Variants in YWHAE observed in about 807,000 individuals in gnomAD.
The protein encoded by YWHAE is tyrosine 3-monooxygenase/tryptophan 5-monooxygenase activation protein epsilon.
Under a neutral mutation model 30.1 loss-of-function variants are expected in YWHAE, and 4 were observed. The observed-to-expected ratio is 0.13, with a 90% CI of 0.07 to 0.30. YWHAE has a LOEUF of 0.30. Ranked by LOEUF, YWHAE falls within the 10% of genes least tolerant of loss-of-function variation. The pLI, the probability that YWHAE is intolerant of heterozygous loss-of-function variation, is 1.00. For synonymous variants in YWHAE, 118 were observed against 111.8 expected, an observed-to-expected ratio of 1.06 and a Z score of -0.35; for missense variants, 121 against 315.9, an observed-to-expected ratio of 0.38 and a Z score of 4.68.
rs115583180 is a variant in YWHAE, at chr17:1,359,453, A to G, written c.578+1639T>C. Among the ~76,000 whole-genome samples, 956 of 152,348 alleles carry G rather than the reference A, an allele frequency of 6.3e-3. 12 individuals are homozygous for G. The highest frequency in any genetic ancestry group is 0.021 in the African/African-American group (881 of 41,582). On this transcript the variant is annotated intron_variant, in intron 4 of 5. Transcript: ENST00000264335. Reference sequence around the variant, plus strand: ...GGGAAAAGGTGGAAACCCACTGACCACCAAAAGTTTAATGACTAAACAATG... The same window carrying G: ...GGGAAAAGGTGGAAACCCACTGACCGCCAAAAGTTTAATGACTAAACAATG...
At chr17:1,370,622 G>A (rs950371298) in intron 1 of YWHAE, among the ~76,000 whole-genome samples, 4 of 152,044 alleles carry the variant, frequency 2.6e-5, no homozygotes, top group East Asian at 3.9e-4. Context: ...GTAGAGACGG[G>A]GTTTCAGCAT....
intron 4 of YWHAE, among the ~76,000 whole-genome samples, chr17:1,355,093 A>G (rs185024882): frequency 9.0e-6 from 1 of 110,586 alleles, no homozygotes; most frequent in Admixed American, 1.1e-4. Flanking sequence ...CAAACGGTAC[A>G]CACTACCACC....
At chr17:1,355,431 T>C (rs928239104) in intron 4 of YWHAE, among the ~76,000 whole-genome samples, 1 of 151,992 alleles carries the variant, frequency 6.6e-6, no homozygotes, top group African/African-American at 2.4e-5. Flanking sequence ...AGTGCTGGAT[T>C]ACAAGGTTGA....
chr17:1,356,171 AACACACAC>A (rs71148473), intron 4 of YWHAE, among the ~76,000 whole-genome samples: 1,502 of 143,070 alleles, frequency 0.01, 22 homozygotes, highest in African/African-American at 0.034. Flanking sequence ...TCCGTCTAAA[AACACACAC>A]ACACACACAC....
chr17:1,396,068 G>A (rs1464434081), intron 1 of YWHAE, among the ~76,000 whole-genome samples: 3 of 152,236 alleles, frequency 2.0e-5, no homozygotes, highest in East Asian at 1.9e-4. Flanking sequence ...GCAGTGAGCC[G>A]AGATCGCGCT....
intron 1 of YWHAE, among the ~76,000 whole-genome samples, chr17:1,380,790 C>T (rs2073195077): frequency 6.6e-6 from 1 of 152,138 alleles, no homozygotes; most frequent in South Asian, 2.1e-4. Flanking sequence ...TATTTAATCC[C>T]ATATCTGTGC....
intron 2 of YWHAE, among the ~76,000 whole-genome samples, chr17:1,363,918 T>C (rs1479780514): frequency 6.6e-6 from 1 of 152,136 alleles, no homozygotes; most frequent in Non-Finnish European, 1.5e-5. Flanking sequence ...GCCCGTGCTG[T>C]GCCCAGTAGA....
At chr17:1,353,689 G>A (rs1352269325) in intron 5 of YWHAE, among the ~76,000 whole-genome samples, 7 of 151,190 alleles carry the variant, frequency 4.6e-5, no homozygotes, top group African/African-American at 1.2e-4. Context: ...GCTTGAACCC[G>A]GGAGGCAGAG....
chr17:1,349,128 G>A (rs2072575282), intron 5 of YWHAE, among the ~76,000 whole-genome samples: 1 of 151,992 alleles, frequency 6.6e-6, no homozygotes, highest in South Asian at 2.1e-4. Context: ...GGATCACGAG[G>A]TTAGGAGATT....
At chr17:1,365,866 T>C (rs2072934102) in intron 1 of YWHAE, among the ~76,000 whole-genome samples, 1 of 152,122 alleles carries the variant, frequency 6.6e-6, no homozygotes, top group South Asian at 2.1e-4. Flanking sequence ...CCTAGCACTT[T>C]GAGAGCTGAG....
intron 5 of YWHAE, among the ~76,000 whole-genome samples, chr17:1,348,558 C>A (rs1211845449): frequency 1.3e-5 from 2 of 152,174 alleles, no homozygotes; most frequent in South Asian, 4.1e-4. Flanking sequence ...TGACGATTCT[C>A]CTATATTCAC....
intron 1 of YWHAE, among the ~76,000 whole-genome samples, chr17:1,372,168 C>T (rs529178187): frequency 6.6e-5 from 10 of 152,240 alleles, no homozygotes; most frequent in African/African-American, 2.4e-4. Flanking sequence ...ATGGAGATGG[C>T]ATCTTTCCTT....
At chr17:1,370,396 GC>G (rs898906887) in intron 1 of YWHAE, among the ~76,000 whole-genome samples, 2 of 151,846 alleles carry the variant, frequency 1.3e-5, no homozygotes, top group East Asian at 1.9e-4. Flanking sequence ...CTCCCAAAGT[GC>G]TGGGATTACA....
In YWHAE at chr17:1,361,929, C is replaced by G. The variant is rs2072870638; in HGVS notation, c.344G>C (p.Gly115Ala). The change falls in exon 3 of 6, where the codon GGC becomes GCC. Residue 115 changes from glycine to alanine, a missense_variant. By Grantham distance (60) the Gly-to-Ala change is moderately conservative (BLOSUM62 0). Around this residue, in one of 2 missense-constraint regions of YWHAE, gnomAD observed 99 missense variants for 289.3 expected, o/e 0.34. Transcript: ENST00000264335. ...TTTATAATAGAAAACCTTGGACTCGCCAGTGTTAGCTGCTGGAATGAGGTG... is the reference window on the plus strand; with the variant it reads ...TTTATAATAGAAAACCTTGGACTCGGCAGTGTTAGCTGCTGGAATGAGGTG... ...DKHLIPAANT[G>A]ESKVFYYKMK... is the part of the protein sequence containing the mutation. The G allele has an allele frequency of 1.9e-6, 3 of 1,604,278 alleles. No homozygotes were observed.
chr17:1,398,469 CTGA>C (rs766066208), intron 1 of YWHAE, among the ~76,000 whole-genome samples: 10 of 151,900 alleles, frequency 6.6e-5, no homozygotes, highest in South Asian at 2.1e-4. Context: ...AATCTTATTT[CTGA>C]TGATAAGGGG....
intron 1 of YWHAE, among the ~76,000 whole-genome samples, chr17:1,374,548 C>T (rs1337543614): frequency 1.1e-4 from 16 of 152,116 alleles, no homozygotes. Context: ...TTTTACACTC[C>T]CACCAGCAAC....
intron 1 of YWHAE, among the ~76,000 whole-genome samples, chr17:1,377,578 C>T (rs566143365): frequency 3.3e-5 from 5 of 152,286 alleles, no homozygotes; most frequent in Admixed American, 1.3e-4. Context: ...CATGCCACTG[C>T]ACTCCACCCT....
At chr17:1,372,898 A>T (rs2073062795) in intron 1 of YWHAE, among the ~76,000 whole-genome samples, 1 of 152,076 alleles carries the variant, frequency 6.6e-6, no homozygotes. Context: ...GGCTGCAGTG[A>T]GCATTCCTGC....
rs576636483 is a variant in YWHAE, at chr17:1,370,587, C to T, written c.65-5529G>A. ...CTGAGACTACAAGTGGGCGCCACCA[C>T]GCCCGGCTAACTTTTCTATTTTTAG... On this transcript the variant is annotated intron_variant, in intron 1 of 5. Coordinates refer to ENST00000264335, the MANE Select transcript of YWHAE (RefSeq NM_006761.5). 1.2e-4 allele frequency among the ~76,000 whole-genome samples: 19 copies of T among 152,168 alleles called. No homozygotes were observed. The South Asian group carries it at 1.7e-3, about 13-fold the overall frequency.
Sources: allele counts gnomAD v4.1 joint callset (sites outside exome capture counted in the v4.1 genomes callset), GRCh38; gene constraint gnomAD v4.1.1; regional missense constraint gnomAD v4.1.1; transcripts MANE v1.5; gene names NCBI Gene and HGNC (gene_info 2026-07-23, HGNC 2026-07-21).